GRM8: variants seen among roughly 807,000 people sequenced by gnomAD.
The protein encoded by GRM8 is glutamate metabotropic receptor 8.
A neutral mutation model predicts 87.2 loss-of-function variants in GRM8; 47 were observed. The ratio of observed to expected loss-of-function variants is 0.54; its 90% confidence interval spans 0.43 to 0.69. The LOEUF (loss-of-function observed/expected upper bound fraction) is 0.69. Ranked by LOEUF, GRM8 falls within the 30% of genes least tolerant of loss-of-function variation. The pLI is 0.00. For synonymous variants in GRM8, 396 were observed against 404.5 expected (o/e 0.98, Z 0.25); for missense variants, 1,019 against 1,139.2 (o/e 0.89, Z 1.52).
intron 3 of GRM8, among the ~76,000 whole-genome samples, chr7:127,103,216 G>C (rs747272414): frequency 6.6e-6 from 1 of 152,180 alleles, no homozygotes; most frequent in African/African-American, 2.4e-5. Flanking sequence ...CATGAGATTT[G>C]AGAGGAGCCA....
intron 8 of GRM8, among the ~76,000 whole-genome samples, chr7:126,551,318 T>G (rs1420589049): frequency 2.0e-5 from 3 of 152,072 alleles, no homozygotes; most frequent in Non-Finnish European, 2.9e-5. Flanking sequence ...CCCTCCTTAC[T>G]TGAGATCTGA....
intron 3 of GRM8, among the ~76,000 whole-genome samples, chr7:126,950,489 C>G (rs191923097): frequency 6.6e-6 from 1 of 152,180 alleles, no homozygotes; most frequent in Admixed American, 6.5e-5. Context: ...TTATTTTTAT[C>G]TATTTCTCTC....
At chr7:126,693,206 G>A (rs1809012062) in intron 7 of GRM8, among the ~76,000 whole-genome samples, 1 of 152,140 alleles carries the variant, frequency 6.6e-6, no homozygotes, top group African/African-American at 2.4e-5. Flanking sequence ...ATTTGCTTGA[G>A]GTTAGTGGGT....
At chr7:126,680,040 G>GAAA (rs11435028) in intron 7 of GRM8, among the ~76,000 whole-genome samples, 31 of 146,308 alleles carry the variant, frequency 2.1e-4, no homozygotes, top group Non-Finnish European at 3.3e-4. Context: ...CTCCATCTCA[G>GAAA]AAAAAAAAAA....
chr7:127,037,737 G>A (rs543882518), intron 3 of GRM8, among the ~76,000 whole-genome samples: 7 of 152,122 alleles, frequency 4.6e-5, no homozygotes, highest in South Asian at 2.1e-4. Context: ...AAACAATAGC[G>A]GAGATATCTC....
intron 9 of GRM8, among the ~76,000 whole-genome samples, chr7:126,454,236 A>G (rs1563023259): frequency 6.6e-6 from 1 of 151,760 alleles, no homozygotes; most frequent in Non-Finnish European, 1.5e-5. Flanking sequence ...AGCCAGGAAA[A>G]GAGAAAATAT....
intron 7 of GRM8, among the ~76,000 whole-genome samples, chr7:126,630,277 C>T: frequency 6.6e-6 from 1 of 151,924 alleles, no homozygotes; most frequent in Non-Finnish European, 1.5e-5. Context: ...AAGAATGTGA[C>T]CAAGGCTGTC....
intron 8 of GRM8, among the ~76,000 whole-genome samples, chr7:126,552,300 C>T (rs547748231): frequency 1.4e-4 from 22 of 152,116 alleles, no homozygotes; most frequent in African/African-American, 5.3e-4. Context: ...GGAACCATGC[C>T]TAATATGTAC....
intron 9 of GRM8, among the ~76,000 whole-genome samples, chr7:126,487,121 G>A (rs1349153032): frequency 2.0e-5 from 3 of 152,140 alleles, no homozygotes; most frequent in South Asian, 4.1e-4. Flanking sequence ...TCAAAGCAAA[G>A]TGTTATTGAG....
At chr7:126,455,559 G>A (rs1274342100) in intron 9 of GRM8, among the ~76,000 whole-genome samples, 1 of 151,756 alleles carries the variant, frequency 6.6e-6, no homozygotes, top group Non-Finnish European at 1.5e-5. Flanking sequence ...GTGGATCCTA[G>A]AACAGCTCTG....
chr7:127,077,014 TAC>T (rs1380765589), intron 3 of GRM8, among the ~76,000 whole-genome samples: 1 of 152,206 alleles, frequency 6.6e-6, no homozygotes, highest in Non-Finnish European at 1.5e-5. Context: ...CTTCGACCAC[TAC>T]CTGCACCCCA....
intron 8 of GRM8, among the ~76,000 whole-genome samples, chr7:126,581,157 AAAAAAAT>A (rs895270340): frequency 2.9e-4 from 44 of 152,080 alleles, no homozygotes; most frequent in Admixed American, 5.9e-4. Flanking sequence ...CAATTTTTAG[AAAAAAAT>A]AAAAAATAAA....
chr7:126,488,391 T>G (rs1407262385), intron 9 of GRM8, among the ~76,000 whole-genome samples: 4 of 151,988 alleles, frequency 2.6e-5, no homozygotes, highest in Admixed American at 2.6e-4. Context: ...TCCCTGAAAA[T>G]GTCTTTGGGT....
intron 3 of GRM8, among the ~76,000 whole-genome samples, chr7:126,972,597 T>C (rs1810540084): frequency 6.6e-6 from 1 of 152,224 alleles, no homozygotes. Context: ...GCATTACAAA[T>C]GCTAGATTTA....
chr7:127,110,802 T>A (rs1448263506), intron 2 of GRM8, among the ~76,000 whole-genome samples: 1 of 152,178 alleles, frequency 6.6e-6, no homozygotes, highest in African/African-American at 2.4e-5. Context: ...TTTACTGACT[T>A]TCCCCAACAT....
chr7:127,073,168 G>A (rs1448852961), intron 3 of GRM8, among the ~76,000 whole-genome samples: 1 of 152,072 alleles, frequency 6.6e-6, no homozygotes, highest in Non-Finnish European at 1.5e-5. Flanking sequence ...CTTTGAGAGG[G>A]ATCAAACTTC....
At chr7:126,606,017 T>C (rs1022306606) in intron 8 of GRM8, among the ~76,000 whole-genome samples, 2 of 152,190 alleles carry the variant, frequency 1.3e-5, no homozygotes, top group Admixed American at 6.6e-5. Flanking sequence ...CAGACTGAAT[T>C]TCCCAAATCT....
At chr7:126,705,460 T>G (rs1810393973) in intron 7 of GRM8, among the ~76,000 whole-genome samples, 1 of 152,134 alleles carries the variant, frequency 6.6e-6, no homozygotes. Flanking sequence ...TTATCTCCAC[T>G]TAAATATATT....
intron 9 of GRM8, among the ~76,000 whole-genome samples, chr7:126,498,610 G>T (rs1407325113): frequency 6.6e-6 from 1 of 151,962 alleles, no homozygotes; most frequent in Non-Finnish European, 1.5e-5. Flanking sequence ...GACATGTACT[G>T]TTGGCTGTCT....
Sources: gnomAD v4.1 joint callset for allele counts (sites outside exome capture counted in the v4.1 genomes callset) on GRCh38, gnomAD v4.1.1 for gene constraint, MANE v1.5 for transcripts, NCBI Gene and HGNC (gene_info 2026-07-23, HGNC 2026-07-21) for gene names.